DDX4: variants seen among roughly 807,000 people sequenced by gnomAD.
DDX4 encodes the protein DEAD-box helicase 4.
DDX4 carries 25 observed loss-of-function variants against 100.0 expected under a neutral mutation model. That is an observed-to-expected ratio of 0.25 (90% CI 0.18 to 0.35). The LOEUF (loss-of-function observed/expected upper bound fraction) is 0.35, where lower values mean the gene tolerates loss of function less well. Ranked by LOEUF, DDX4 falls within the 10% of genes least tolerant of loss-of-function variation. The probability of loss-of-function intolerance (pLI) is 1.00; values close to 1 mark genes in which losing one functional copy is unlikely to be tolerated. For synonymous variants in DDX4, 259 were observed against 275.7 expected (o/e 0.94, Z 0.60); for missense variants, 635 against 882.4 (o/e 0.72, Z 3.55).
chr5:55,801,215 GTTT>G (rs760157665), intron 18 of DDX4, among the ~76,000 whole-genome samples: 5 of 103,490 alleles, frequency 4.8e-5, no homozygotes, highest in Non-Finnish European at 6.5e-5. Flanking sequence ...ATGATGGGGT[GTTT>G]TTTTTTTTTT....
At chr5:55,803,105 C>T (rs192367944) in intron 18 of DDX4, among the ~76,000 whole-genome samples, 261 of 149,138 alleles carry the variant, frequency 1.8e-3, no homozygotes, top group African/African-American at 4.5e-3. Flanking sequence ...CGCCTCCCCC[C>T]ACCCCACGAC....
chr5:55,755,966 T>C (rs924358634), intron 3 of DDX4, among the ~76,000 whole-genome samples: 3 of 152,166 alleles, frequency 2.0e-5, no homozygotes, highest in African/African-American at 7.2e-5. Flanking sequence ...CAGTTTTCCC[T>C]ATAAATGGCA....
chr5:55,805,749 C>T (rs911012274), intron 18 of DDX4, among the ~76,000 whole-genome samples: 3 of 152,202 alleles, frequency 2.0e-5, no homozygotes, highest in Non-Finnish European at 2.9e-5. Flanking sequence ...AGGATTTTTG[C>T]ATCAATGTTC....
chr5:55,765,508 T>A (rs1470567206), intron 6 of DDX4, among the ~76,000 whole-genome samples: 1 of 149,920 alleles, frequency 6.7e-6, no homozygotes, highest in African/African-American at 2.4e-5. Flanking sequence ...AGCTTTTTAC[T>A]CTGGACACAA....
intron 7 of DDX4, among the ~76,000 whole-genome samples, chr5:55,778,146 TAAAAG>T (rs905060147): frequency 9.9e-5 from 15 of 152,188 alleles, no homozygotes; most frequent in East Asian, 1.9e-4. Context: ...CTTATTAAAA[TAAAAG>T]AAATCAATAA....
At chr5:55,761,879 G>C (rs1740578670) in intron 4 of DDX4, among the ~76,000 whole-genome samples, 1 of 151,864 alleles carries the variant, frequency 6.6e-6, no homozygotes, top group African/African-American at 2.4e-5. Flanking sequence ...CAGTGTGCTG[G>C]GATTATAGAC....
intron 8 of DDX4, 45 bp downstream of exon 8, chr5:55,780,110 A>G (rs1223319317): frequency 6.2e-7 from 1 of 1,602,394 alleles, no homozygotes; most frequent in Admixed American, 1.7e-5. Context: ...AACTGTTAAA[A>G]AGAAAATGAT....
chr5:55,770,738 T>A (rs1741204428), intron 7 of DDX4, among the ~76,000 whole-genome samples: 1 of 152,116 alleles, frequency 6.6e-6, no homozygotes, highest in African/African-American at 2.4e-5. Flanking sequence ...CTTAATTACT[T>A]CTTATGATAA....
Position 55,797,167 on chromosome 5 carries a change from T to C in DDX4, c.1470-1259T>C, listed in dbSNP as rs534854310. 3.9e-5 allele frequency among the ~76,000 whole-genome samples: 6 copies of C among 152,286 alleles called. No individual in the cohort carries two copies. In the East Asian group the frequency reaches 1.2e-3, roughly 29 times the overall value. On this transcript the variant is annotated intron_variant, in intron 17 of 21. Transcript: ENST00000505374. ...CCTCAAACTGGAGGATTTTTCTAAA[T>C]AGACATCATTTCATCCATTTCCTGC...
At chr5:55,782,091 G>A in intron 10 of DDX4, 110 bp downstream of exon 10, 2 of 1,294,552 alleles carry the variant, frequency 1.5e-6, no homozygotes, top group Non-Finnish European at 2.2e-6. Flanking sequence ...GAAGTTAAAG[G>A]TAACTGTTAT....
At chr5:55,808,317 C>T (rs997846947) in intron 18 of DDX4, among the ~76,000 whole-genome samples, 5 of 152,184 alleles carry the variant, frequency 3.3e-5, no homozygotes, top group South Asian at 2.1e-4. Flanking sequence ...TCTCTCAACT[C>T]GTCAAAGTCA....
chr5:55,769,740 G>A (rs543065698), intron 7 of DDX4, among the ~76,000 whole-genome samples: 8 of 152,282 alleles, frequency 5.3e-5, no homozygotes, highest in African/African-American at 1.9e-4. Flanking sequence ...AAGCTGGAAA[G>A]CGTCACATTA....
intron 3 of DDX4, among the ~76,000 whole-genome samples, chr5:55,749,175 C>G (rs926572785): frequency 3.3e-5 from 5 of 152,096 alleles, no homozygotes; most frequent in Non-Finnish European, 7.4e-5. Flanking sequence ...AATCCCTTTG[C>G]TTTGGGAGGC....
Position 55,816,618 on chromosome 5 carries a change from A to G in DDX4, c.*78A>G, listed in dbSNP as rs1744437162. 1 of 1,560,192 alleles carries G rather than the reference A, an allele frequency of 6.4e-7. No homozygotes were observed. The highest frequency in any genetic ancestry group is 1.2e-5 in the South Asian group (1 of 84,352). On this transcript the variant is annotated 3_prime_UTR_variant, in exon 22 of 22. Transcript: ENST00000505374. Reference sequence around the variant, plus strand: ...TGATTTTTGAGTTTTTAACAGAAGTATAAAACTTAACATTCTCATAGCTCC... The same window carrying G: ...TGATTTTTGAGTTTTTAACAGAAGTGTAAAACTTAACATTCTCATAGCTCC...
intron 17 of DDX4, among the ~76,000 whole-genome samples, chr5:55,793,857 G>A (rs1377839393): frequency 6.6e-6 from 1 of 152,196 alleles, no homozygotes; most frequent in Non-Finnish European, 1.5e-5. Flanking sequence ...GGCAGCTTCT[G>A]AGTGGTGCAG....
At chr5:55,807,738 C>T (rs1470805441) in intron 18 of DDX4, among the ~76,000 whole-genome samples, 2 of 152,314 alleles carry the variant, frequency 1.3e-5, no homozygotes, top group East Asian at 3.9e-4. Context: ...CGACCTTTCT[C>T]TCTGGCTGCC....
In DDX4 at chr5:55,803,788, C is replaced by T. The variant is rs35046998; in HGVS notation, c.1615+5217C>T. On this transcript the variant is annotated intron_variant, in intron 18 of 21. Coordinates refer to ENST00000505374, the MANE Select transcript of DDX4 (RefSeq NM_024415.3). Reference sequence around the variant, plus strand: ...TGTGAATAGTGCCTCAATAAACATACGTGTGCATGTGTCTTTATAGCAGCA... The same window carrying T: ...TGTGAATAGTGCCTCAATAAACATATGTGTGCATGTGTCTTTATAGCAGCA... Among the ~76,000 whole-genome samples, 91 of 151,908 alleles carry T rather than the reference C, an allele frequency of 6.0e-4. No homozygotes were observed. In the East Asian group the frequency reaches 0.012, roughly 21 times the overall value.
intron 15 of DDX4, among the ~76,000 whole-genome samples, chr5:55,788,698 G>A (rs1429279302): frequency 6.6e-6 from 1 of 151,966 alleles, no homozygotes. Context: ...TTATTTCTCT[G>A]TTCTGAGGTA....
intron 15 of DDX4, 147 bp downstream of exon 15, chr5:55,788,147 T>G (rs1742352809): frequency 1.3e-6 from 1 of 760,702 alleles, no homozygotes; most frequent in Non-Finnish European, 2.0e-6. Flanking sequence ...TATGGAATCC[T>G]TTTCATTTTT....
Sources: gnomAD v4.1 joint callset for allele counts (sites outside exome capture counted in the v4.1 genomes callset) on GRCh38, gnomAD v4.1.1 for gene constraint, MANE v1.5 for transcripts, NCBI Gene and HGNC (gene_info 2026-07-23, HGNC 2026-07-21) for gene names.